DOCK3: variants seen among roughly 807,000 people sequenced by gnomAD.
DOCK3 encodes dedicator of cytokinesis protein 3.
DOCK3 carries 60 observed loss-of-function variants against 265.6 expected under a neutral mutation model. The observed-to-expected ratio is 0.23, with a 90% CI of 0.18 to 0.28. The LOEUF (loss-of-function observed/expected upper bound fraction) is 0.28. DOCK3 is among the 10% of genes least tolerant of loss of function. The pLI, the probability that DOCK3 is intolerant of heterozygous loss-of-function variation, is 1.00. For synonymous variants in DOCK3, 881 were observed against 938.0 expected, an observed-to-expected ratio of 0.94 and a Z score of 1.11; for missense variants, 1,981 against 2,594.3, an observed-to-expected ratio of 0.76 and a Z score of 5.14.
intron 9 of DOCK3, among the ~76,000 whole-genome samples, chr3:51,123,502 T>C (rs746743179): frequency 1.3e-5 from 2 of 152,216 alleles, no homozygotes; most frequent in Admixed American, 6.5e-5. Context: ...CTAAGACTTA[T>C]GACAGTGATG....
chr3:51,206,552 C>G (rs1053786471), intron 12 of DOCK3, among the ~76,000 whole-genome samples: 1 of 151,500 alleles, frequency 6.6e-6, no homozygotes, highest in South Asian at 2.1e-4. Context: ...CAATATTGAA[C>G]TGAATCCTTT....
intron 12 of DOCK3, among the ~76,000 whole-genome samples, chr3:51,178,568 G>A (rs2087103877): frequency 6.6e-6 from 1 of 152,198 alleles, no homozygotes; most frequent in South Asian, 2.1e-4. Flanking sequence ...AGAAAGCAGA[G>A]CCAGAGCTGG....
At chr3:50,783,192 C>G (rs1156833017) in intron 2 of DOCK3, among the ~76,000 whole-genome samples, 1 of 152,092 alleles carries the variant, frequency 6.6e-6, no homozygotes, top group Non-Finnish European at 1.5e-5. Flanking sequence ...GGTAGATATC[C>G]AGTAGTGGGA....
chr3:51,023,019 A>G (rs1203212657), intron 5 of DOCK3, among the ~76,000 whole-genome samples: 1 of 152,158 alleles, frequency 6.6e-6, no homozygotes, highest in African/African-American at 2.4e-5. Flanking sequence ...CCTAATGAGT[A>G]TGTGCCTTGG....
intron 2 of DOCK3, among the ~76,000 whole-genome samples, chr3:50,817,664 G>C (rs1279087887): frequency 6.6e-6 from 1 of 151,878 alleles, no homozygotes; most frequent in African/African-American, 2.4e-5. Context: ...TTGCTTCATG[G>C]ATGTAAATCT....
intron 19 of DOCK3, among the ~76,000 whole-genome samples, chr3:51,231,150 A>G (rs1440622266): frequency 3.9e-5 from 3 of 76,598 alleles, no homozygotes; most frequent in African/African-American, 5.6e-5. Flanking sequence ...TTTTTTTGAG[A>G]CGGAGTCTTG....
chr3:51,127,910 C>T (rs566033901), intron 9 of DOCK3, among the ~76,000 whole-genome samples: 159 of 152,248 alleles, frequency 1.0e-3, no homozygotes, highest in Admixed American at 2.0e-3. Flanking sequence ...AAGAGATGCC[C>T]TAATGGGTCT....
In DOCK3 at chr3:51,361,279, A is replaced by G. The variant is rs528541359; in HGVS notation, c.5007-580A>G. On this transcript the variant is annotated intron_variant, in intron 47 of 52. Transcript: ENST00000266037. The surrounding 1 kb of genome is among the most constrained non-coding windows in gnomAD (Gnocchi z 4.2). ...TGTTTTCCAGTGTGAGCAGCAGCTC[A>G]GCACAGAGTGGGCACTTAGTAAATA... 2.4e-4 allele frequency among the ~76,000 whole-genome samples: 36 copies of G among 152,348 alleles called. No individual in the cohort carries two copies. Among genetic ancestry groups the G allele is most frequent in the South Asian group, 2.3e-3 (11 of 4,828 alleles).
chr3:51,016,941 G>A (rs9856146), intron 5 of DOCK3, among the ~76,000 whole-genome samples: 94,558 of 105,486 alleles, frequency 0.9, 42,730 homozygotes, highest in African/African-American at 0.95. Context: ...TACAATATAT[G>A]TTATATATAA....
In DOCK3 at chr3:51,096,848, C is replaced by T. The variant is rs192691017; in HGVS notation, c.746+6464C>T. ...TCTGTGTGGACATCCTTTTTGTTGA[C>T]GTTGATGCTATTTCTTTCTGTTTGT... On this transcript the variant is annotated intron_variant, in intron 9 of 52. Coordinates refer to ENST00000266037, the MANE Select transcript of DOCK3 (RefSeq NM_004947.5). Among the ~76,000 whole-genome samples the T allele has an allele frequency of 5.3e-5, 8 of 152,224 alleles. No individual in the cohort carries two copies. The East Asian group carries it at 5.8e-4, about 11-fold the overall frequency.
At chr3:50,678,803 G>A (rs2034170323) in intron 1 of DOCK3, among the ~76,000 whole-genome samples, 1 of 55,614 alleles carries the variant, frequency 1.8e-5, no homozygotes, top group Non-Finnish European at 3.4e-5. Context: ...TACCTTGCCT[G>A]CCTAATTTTT....
intron 12 of DOCK3, among the ~76,000 whole-genome samples, chr3:51,206,434 A>G (rs1341014571): frequency 2.0e-5 from 3 of 152,230 alleles, no homozygotes; most frequent in Non-Finnish European, 4.4e-5. Context: ...GTATTCTTCT[A>G]GAAATCAGAA....
intron 7 of DOCK3, among the ~76,000 whole-genome samples, chr3:51,085,582 G>T (rs2082389567): frequency 6.6e-6 from 1 of 152,044 alleles, no homozygotes; most frequent in Non-Finnish European, 1.5e-5. Context: ...ATGAGTGAAT[G>T]AACAAATTAA....
intron 28 of DOCK3, among the ~76,000 whole-genome samples, chr3:51,311,233 C>A (rs2083052120): frequency 6.6e-6 from 1 of 152,152 alleles, no homozygotes; most frequent in African/African-American, 2.4e-5. Flanking sequence ...AATTTTTCAC[C>A]CCCTCTAGTG....
intron 12 of DOCK3, among the ~76,000 whole-genome samples, chr3:51,207,179 A>C (rs1181604432): frequency 2.0e-5 from 3 of 152,134 alleles, no homozygotes; most frequent in Non-Finnish European, 4.4e-5. Flanking sequence ...GGGGTATGCA[A>C]GGGGAGAGGA....
At chr3:50,934,154 T>A in intron 5 of DOCK3, 77 bp downstream of exon 5, 6 of 991,548 alleles carry the variant, frequency 6.1e-6, no homozygotes, top group Non-Finnish European at 8.8e-6. Flanking sequence ...ATGCTAAGTA[T>A]GCATTTTAGA....
chr3:50,964,964 A>G (rs917159364), intron 5 of DOCK3, among the ~76,000 whole-genome samples: 4 of 152,126 alleles, frequency 2.6e-5, no homozygotes, highest in Non-Finnish European at 5.9e-5. Flanking sequence ...TACCCACTGA[A>G]TTATCTTTAG....
intron 9 of DOCK3, among the ~76,000 whole-genome samples, chr3:51,135,985 C>T (rs1204020677): frequency 1.3e-5 from 2 of 152,156 alleles, no homozygotes; most frequent in Non-Finnish European, 2.9e-5. Flanking sequence ...GCTAGGATTA[C>T]AGGTGGAGCC....
chr3:51,108,287 A>G (rs1014262961), intron 9 of DOCK3, among the ~76,000 whole-genome samples: 12 of 152,206 alleles, frequency 7.9e-5, no homozygotes, highest in African/African-American at 2.9e-4. Context: ...ATCCAGCCAA[A>G]CTAAGCTTCA....
Sources: allele counts gnomAD v4.1 joint callset (sites outside exome capture counted in the v4.1 genomes callset), GRCh38; gene constraint gnomAD v4.1.1; non-coding constraint Gnocchi (gnomAD v3.1); transcripts MANE v1.5; gene names NCBI Gene and HGNC (gene_info 2026-07-23, HGNC 2026-07-21).